The following COL21A1 variants were observed in gnomAD, a reference collection of about 807,000 sequenced individuals.
COL21A1 encodes the protein collagen alpha-1(XXI) chain.
Under a neutral mutation model 137.9 loss-of-function variants are expected in COL21A1, and 149 were observed. That is an observed-to-expected ratio of 1.08 (90% CI 0.95 to 1.24). The LOEUF (loss-of-function observed/expected upper bound fraction) is 1.24. COL21A1 is among the 50% of genes most tolerant of loss of function. The pLI is 0.00. For synonymous variants in COL21A1, 456 were observed against 391.5 expected (o/e 1.16, Z -1.95); for missense variants, 1,167 against 1,158.4 (o/e 1.01, Z -0.11).
intron 1 of COL21A1, among the ~76,000 whole-genome samples, chr6:56,295,001 A>C (rs1764130440): frequency 6.6e-6 from 1 of 151,956 alleles, no homozygotes; most frequent in African/African-American, 2.4e-5. Context: ...ATTGTATATA[A>C]AAAAGTCAAA....
intron 1 of COL21A1, among the ~76,000 whole-genome samples, chr6:56,313,327 C>A (rs1764655794): frequency 6.6e-6 from 1 of 152,058 alleles, no homozygotes; most frequent in Admixed American, 6.6e-5. Context: ...AGTCTCTAGA[C>A]TAGTGAACAC....
At chr6:56,373,492 C>T (rs921346082) in intron 1 of COL21A1, among the ~76,000 whole-genome samples, 4 of 152,080 alleles carry the variant, frequency 2.6e-5, no homozygotes, top group Admixed American at 1.3e-4. Context: ...GTCCCAGCTA[C>T]TCGGGAGGCT....
intron 10 of COL21A1, among the ~76,000 whole-genome samples, chr6:56,156,338 G>A (rs562558555): frequency 6.6e-6 from 1 of 152,176 alleles, no homozygotes; most frequent in Admixed American, 6.5e-5. Context: ...CTTCCTGACT[G>A]TGGATCCCTG....
In COL21A1 at chr6:56,164,619, T is replaced by C; in HGVS notation, c.1288-113A>G. 3.3e-6 allele frequency: 3 copies of C among 920,404 alleles called. No homozygotes were observed. The South Asian group carries it at 5.1e-5, about 16-fold the overall frequency. 57.0% of individuals were successfully genotyped at this position (920,404 alleles called of 1,614,324 possible). A position where few individuals can be genotyped will look rare whatever the true frequency, so the allele number is the denominator to read the frequency against. Reference sequence around the variant, plus strand: ...GTAAAATGGCAAAAATATCTTACATTCACTTTCAAATTTTATCTAACCCAA... The same window carrying C: ...GTAAAATGGCAAAAATATCTTACATCCACTTTCAAATTTTATCTAACCCAA... On this transcript the variant is annotated intron_variant, in intron 8 of 29. Transcript: ENST00000244728.
intron 1 of COL21A1, among the ~76,000 whole-genome samples, chr6:56,365,190 C>G (rs1766069320): frequency 6.6e-6 from 1 of 152,080 alleles, no homozygotes; most frequent in African/African-American, 2.4e-5. Context: ...TTTCAAATCT[C>G]TATTAATCTT....
At chr6:56,267,591 C>G (rs1337896581) in intron 1 of COL21A1, among the ~76,000 whole-genome samples, 1 of 151,398 alleles carries the variant, frequency 6.6e-6, no homozygotes, top group Non-Finnish European at 1.5e-5. Context: ...AAACCCATCT[C>G]TACTAAAAAT....
intron 1 of COL21A1, among the ~76,000 whole-genome samples, chr6:56,325,748 A>T (rs536600441): frequency 0.11 from 157 of 1,420 alleles, 3 homozygotes; most frequent in East Asian, 0.67. Context: ...TATTATATAT[A>T]ATATTATAAA....
intron 17 of COL21A1, among the ~76,000 whole-genome samples, chr6:56,099,044 GT>G (rs1770179495): frequency 6.6e-6 from 1 of 150,924 alleles, no homozygotes; most frequent in South Asian, 2.1e-4. Context: ...ATCTTTTTAG[GT>G]TTTATGAAGA....
intron 1 of COL21A1, among the ~76,000 whole-genome samples, chr6:56,393,163 G>A (rs923532262): frequency 6.6e-6 from 1 of 151,866 alleles, no homozygotes; most frequent in Non-Finnish European, 1.5e-5. Context: ...ACAGACCAAT[G>A]GAACAGAAGA....
At position 56,164,946 on chromosome 6, in the gene COL21A1, C is replaced by A. The variant is rs528979689; in HGVS notation, c.1279-124G>T. The A allele has an allele frequency of 7.3e-5, 51 of 699,908 alleles. 1 individual carries two copies. The Middle Eastern group carries it at 1.2e-3, about 17-fold the overall frequency. The allele number at this position is 699,908 out of a possible 1,614,324, so 43.4% of individuals were successfully genotyped here. On this transcript the variant is annotated intron_variant, in intron 7 of 29. Transcript: ENST00000244728. The stretch of plus-strand genomic sequence containing the variant: ...TATGAAGTATGAAAACCAACAAAAA[C>A]CAAAATATTTCCCTGCATTTATCCT...
intron 1 of COL21A1, among the ~76,000 whole-genome samples, chr6:56,284,250 C>T (rs751251395): frequency 2.6e-5 from 4 of 152,066 alleles, no homozygotes; most frequent in Non-Finnish European, 5.9e-5. Context: ...AGTTGGGATT[C>T]ACGATGTTGC....
intron 1 of COL21A1, among the ~76,000 whole-genome samples, chr6:56,266,895 A>C (rs573523593): frequency 6.6e-6 from 1 of 152,246 alleles, no homozygotes; most frequent in Admixed American, 6.5e-5. Flanking sequence ...AACTATTAAT[A>C]GCTCATATTG....
chr6:56,197,158 T>C (rs1779076094), intron 1 of COL21A1, among the ~76,000 whole-genome samples: 1 of 151,982 alleles, frequency 6.6e-6, no homozygotes, highest in South Asian at 2.1e-4. Flanking sequence ...AAACTAGATA[T>C]CCATGTGGAA....
intron 16 of COL21A1, among the ~76,000 whole-genome samples, chr6:56,109,026 G>C (rs1197255403): frequency 1.3e-5 from 2 of 151,524 alleles, no homozygotes; most frequent in Admixed American, 1.3e-4. Flanking sequence ...TTTAAAAAAA[G>C]TTAATGAAAA....
At position 56,305,591 on chromosome 6, in the gene COL21A1, T is replaced by A. The variant is rs191651900; in HGVS notation, c.-39+88380A>T. Among the ~76,000 whole-genome samples, 641 of 152,316 alleles carry A rather than the reference T, an allele frequency of 4.2e-3. 3 individuals carry two copies. Among genetic ancestry groups the A allele is most frequent in the South Asian group, 0.016 (75 of 4,824 alleles). ...TTTTGTTTTCCATTTGCTTGGTAGA[T>A]CTTCCTCCATCCCTTTATTTTGAGC... On this transcript the variant is annotated intron_variant, in intron 1 of 28. Coordinates refer to the COL21A1 transcript ENST00000370819.
chr6:56,231,726 A>T (rs1781575556), intron 1 of COL21A1, among the ~76,000 whole-genome samples: 1 of 151,882 alleles, frequency 6.6e-6, no homozygotes, highest in Non-Finnish European at 1.5e-5. Flanking sequence ...CTAATATGTT[A>T]TGACTTTTCT....
rs146799640 is a variant in COL21A1 at position 56,280,667 on chromosome 6, G to T, written c.-38-98011C>A. Reference sequence around the variant, plus strand: ...AGCACACAATCTTTTGTATGAAAGAGATTTATTCTCATCACTTTACAGATC... The same window carrying T: ...AGCACACAATCTTTTGTATGAAAGATATTTATTCTCATCACTTTACAGATC... On this transcript the variant is annotated intron_variant, in intron 1 of 28. Coordinates refer to the COL21A1 transcript ENST00000370819. Among the ~76,000 whole-genome samples the T allele has an allele frequency of 1.9e-3, 283 of 152,286 alleles. 1 individual carries two copies. The highest frequency in any genetic ancestry group is 6.7e-3 in the African/African-American group (278 of 41,552).
intron 7 of COL21A1, among the ~76,000 whole-genome samples, chr6:56,165,232 T>C (rs1304473005): frequency 6.6e-6 from 1 of 152,192 alleles, no homozygotes; most frequent in Admixed American, 6.5e-5. Context: ...TCTTGCACTT[T>C]AGGAGAGCTT....
intron 16 of COL21A1, among the ~76,000 whole-genome samples, chr6:56,107,876 G>C (rs1470613034): frequency 6.6e-6 from 1 of 151,936 alleles, no homozygotes. Flanking sequence ...CAAAGATAAA[G>C]TGTAAAAAGT....
Sources: allele counts gnomAD v4.1 joint callset (sites outside exome capture counted in the v4.1 genomes callset), GRCh38; gene constraint gnomAD v4.1.1; transcripts MANE v1.5; gene names NCBI Gene and HGNC (gene_info 2026-07-23, HGNC 2026-07-21).